Variants in CDK18 observed in about 807,000 individuals in gnomAD.
CDK18 encodes cyclin-dependent kinase 18.
A neutral mutation model predicts 62.0 loss-of-function variants in CDK18; 52 were observed. The observed-to-expected ratio is 0.84, with a 90% CI of 0.67 to 1.06. CDK18 has a LOEUF of 1.06. Ranked by LOEUF, CDK18 falls within the 50% of genes least tolerant of loss-of-function variation. CDK18 has a pLI of 0.00. For missense variants in CDK18, 604 were observed against 619.9 expected, an observed-to-expected ratio of 0.97 and a Z score of 0.27; for synonymous variants, 237 against 247.0, an observed-to-expected ratio of 0.96 and a Z score of 0.38.
intron 4 of CDK18, 81 bp from the exon 5 acceptor site, chr1:205,525,058 G>T: frequency 5.8e-6 from 5 of 861,478 alleles, no homozygotes; most frequent in Non-Finnish European, 9.5e-6. Context: ...CCCTCCCAGA[G>T]GCTGGAGTTG....
chr1:205,525,071 G>A, intron 4 of CDK18, 68 bp from the exon 5 acceptor site: 2 of 1,022,146 alleles, frequency 2.0e-6, no homozygotes, highest in Non-Finnish European at 3.0e-6. Context: ...TGGAGTTGGG[G>A]GAGGCGTCAT....
intron 1 of CDK18, among the ~76,000 whole-genome samples, chr1:205,510,079 CA>C (rs200884428): frequency 0.043 from 5,592 of 131,524 alleles, 210 homozygotes; most frequent in African/African-American, 0.12. Context: ...GACTTTGTCT[CA>C]AAAAAAAAAA....
chr1:205,525,269 G>A (rs12126241), intron 5 of CDK18, 74 bp downstream of exon 5: 80,531 of 1,087,654 alleles, frequency 0.074, 4,128 homozygotes, highest in South Asian at 0.2. Context: ...CTCCCTAGTC[G>A]GCCCTCTCTG....
intron 1 of CDK18, among the ~76,000 whole-genome samples, chr1:205,510,662 CA>C (rs1385115411): frequency 6.6e-6 from 1 of 152,256 alleles, no homozygotes; most frequent in Admixed American, 6.5e-5. Flanking sequence ...CAGTCCCTTC[CA>C]ACCCTGCACA....
rs113178023 is a variant in CDK18, at chr1:205,513,657, T to C, written c.-22+8861T>C. On this transcript the variant is annotated intron_variant, in intron 1 of 15. Transcript: ENST00000429964. ...GTCAAGGCCAACATCTGAGCCTGAG[T>C]AGTGCACCTGCCCTACAAGGCTCTG... Among the ~76,000 whole-genome samples the C allele has an allele frequency of 4.6e-3, 704 of 151,976 alleles. 8 individuals carry two copies. Among genetic ancestry groups the C allele is most frequent in the African/African-American group, 0.016 (671 of 41,456 alleles).
chr1:205,523,449 G>T (rs1668247668), intron 2 of CDK18, 34 bp from the exon 3 acceptor site: 3 of 1,596,182 alleles, frequency 1.9e-6, no homozygotes, highest in Non-Finnish European at 1.7e-6. Context: ...AGGACAGAGA[G>T]GCAGGGAGGG....
intron 2 of CDK18, 23 bp downstream of exon 2, chr1:205,523,320 G>C: frequency 1.2e-6 from 2 of 1,613,764 alleles, no homozygotes; most frequent in Non-Finnish European, 1.7e-6. Context: ...GGCCCACCCA[G>C]CACCTCTCCC....
In CDK18 at chr1:205,523,620, A is replaced by G. The variant is rs769850285; in HGVS notation, c.268A>G (p.Met90Val). 10 of 1,569,058 alleles carry G rather than the reference A, an allele frequency of 6.4e-6. No homozygotes were observed. Among genetic ancestry groups the G allele is most frequent in the Non-Finnish European group, 7.8e-6 (9 of 1,157,108 alleles). The stretch of plus-strand genomic sequence containing the variant: ...GCGGCAGAACCAGCGCCGCTTCTCC[A>G]TGGAGGTAAGGGCCTCTGGAGCTCT... Reference protein sequence around the residue: ...QRRQNQRRFSMEDVSKRLSLP... With the variant: ...QRRQNQRRFSVEDVSKRLSLP... Residue 90 changes from methionine to valine, a missense_variant, in exon 3 of 16, where the codon ATG becomes GTG. Met to Val is a conservative substitution (Grantham distance 21). Transcript: ENST00000429964.
rs377095038 is a variant in CDK18, at chr1:205,523,140, A to C, written c.-21-7A>C. ...TTCAACTGCTCTTCTCACACTTCCCATCTCAGGACCCGGCTGCCCAGTCCC... is the reference window on the plus strand; with the variant it reads ...TTCAACTGCTCTTCTCACACTTCCCCTCTCAGGACCCGGCTGCCCAGTCCC... On this transcript the variant is annotated splice_region_variant and splice_polypyrimidine_tract_variant and intron_variant, in intron 1 of 15. Coordinates refer to ENST00000429964, the MANE Select transcript of CDK18 (RefSeq NM_212502.3). 4 of 1,582,852 alleles carry C rather than the reference A, an allele frequency of 2.5e-6. No homozygotes were observed. Among genetic ancestry groups the C allele is most frequent in the Non-Finnish European group, 3.4e-6 (4 of 1,162,906 alleles).
intron 13 of CDK18, chr1:205,529,940 C>T (rs757157012): frequency 1.7e-4 from 240 of 1,380,196 alleles, no homozygotes; most frequent in Non-Finnish European, 2.2e-4. Context: ...GGGTTGTTAT[C>T]GGCACTACGC....
chr1:205,517,087 A>G lies in CDK18; in HGVS notation c.-21-6060A>G, dbSNP rs1667858467. 6.6e-6 allele frequency: 1 copy of G among 152,386 alleles called. No individual in the cohort carries two copies. The highest frequency in any genetic ancestry group is 2.1e-4 in the South Asian group (1 of 4,834). 9.4% of individuals were successfully genotyped at this position (152,386 alleles called of 1,614,324 possible). On this transcript the variant is annotated intron_variant, in intron 1 of 15. Coordinates refer to ENST00000429964, the MANE Select transcript of CDK18 (RefSeq NM_212502.3). The surrounding 1 kb of genome is among the most constrained non-coding windows in gnomAD (Gnocchi z 4.1). ...TGTCCCAGCAGTCAGTGGGCTGGGAATCTGCCCTGTCTGGACACTGGGGCC... is the reference window on the plus strand; with the variant it reads ...TGTCCCAGCAGTCAGTGGGCTGGGAGTCTGCCCTGTCTGGACACTGGGGCC...
Position 205,527,651 on chromosome 1 carries a change from A to C in CDK18, c.730-143A>C. The C allele has an allele frequency of 2.6e-6, 2 of 775,796 alleles. No homozygotes were observed. The highest frequency in any genetic ancestry group is 4.3e-6 in the Non-Finnish European group (2 of 463,516). 48.1% of individuals were successfully genotyped at this position (775,796 alleles called of 1,614,324 possible). On this transcript the variant is annotated intron_variant, in intron 8 of 15. Coordinates refer to ENST00000429964, the MANE Select transcript of CDK18 (RefSeq NM_212502.3). This position sits in a 1 kb window ranked among gnomAD's most constrained non-coding sequence, Gnocchi z 4.1. ...GGATTCCCTGGTGTGGGTGGGGTCC[A>C]GGATGGGGGCTGCAGGGTGTGCAGG... is the stretch of plus-strand genomic sequence containing the variant.
chr1:205,526,654 G>A, intron 7 of CDK18, 121 bp from the exon 8 acceptor site: 1 of 1,047,066 alleles, frequency 9.6e-7, no homozygotes, highest in Non-Finnish European at 1.5e-6. Context: ...TCGAGCCAGG[G>A]ACCTGTCCCA....
intron 1 of CDK18, chr1:205,522,849 G>T: frequency 3.7e-6 from 1 of 273,212 alleles, no homozygotes; most frequent in Non-Finnish European, 7.0e-6. Flanking sequence ...CTGCTATTAT[G>T]ACCAATACTT....
At chr1:205,529,854 T>C (rs1355837759) in intron 13 of CDK18, 7 of 1,343,140 alleles carry the variant, frequency 5.2e-6, no homozygotes, top group South Asian at 1.5e-5. Flanking sequence ...ACCTATTTTA[T>C]AAGATGGCCG....
chr1:205,508,806 T>C (rs1667430307), intron 1 of CDK18, among the ~76,000 whole-genome samples: 1 of 150,766 alleles, frequency 6.6e-6, no homozygotes, highest in African/African-American at 2.4e-5. Context: ...ATTGCATCAC[T>C]GCACTCCAGC....
rs1189706350 is a variant in CDK18 at position 205,531,719 on chromosome 1, C to T, written c.*341C>T. 10 of 331,366 alleles carry T rather than the reference C, an allele frequency of 3.0e-5. No individual in the cohort carries two copies. Among genetic ancestry groups the T allele is most frequent in the Admixed American group, 1.4e-4 (3 of 21,976 alleles). 20.5% of individuals were successfully genotyped at this position (331,366 alleles called of 1,614,324 possible). A position where few individuals can be genotyped will look rare whatever the true frequency, so the allele number is the denominator to read the frequency against. On this transcript the variant is annotated 3_prime_UTR_variant, in exon 16 of 16. Coordinates refer to ENST00000429964, the MANE Select transcript of CDK18 (RefSeq NM_212502.3). ...ATGCACACGGATGACAGAATCAAGG[C>T]GCCAGGATGGGCACTCTGCCCTGGA... is the stretch of plus-strand genomic sequence containing the variant.
intron 1 of CDK18, among the ~76,000 whole-genome samples, chr1:205,518,186 C>G (rs1001271418): frequency 2.6e-5 from 4 of 152,204 alleles, no homozygotes; most frequent in African/African-American, 9.7e-5. Flanking sequence ...CACACCTTCC[C>G]TCTTCCCTGC....
rs138968428 is a variant in CDK18, at chr1:205,526,157, G to A, written c.549G>A (p.Ala183=). ...KEIRLEHEEG[A]PCTAIREVSL... ...TCCGGCTGGAGCACGAGGAGGGAGC[G>A]CCCTGCACTGCCATCCGAGAGGGTA... Residue 183 remains alanine, a synonymous_variant, in exon 6 of 16, where the codon GCG becomes GCA. Transcript: ENST00000429964. 953 of 1,613,738 alleles carry A rather than the reference G, an allele frequency of 5.9e-4. 11 individuals carry two copies. Among genetic ancestry groups the A allele is most frequent in the South Asian group, 5.1e-3 (464 of 91,022 alleles).
Sources: gnomAD v4.1 joint callset for allele counts (sites outside exome capture counted in the v4.1 genomes callset) on GRCh38, gnomAD v4.1.1 for gene constraint, Gnocchi (gnomAD v3.1) non-coding constraint, MANE v1.5 for transcripts, NCBI Gene and HGNC (gene_info 2026-07-23, HGNC 2026-07-21) for gene names.